Variants in PFKFB3 observed in about 807,000 individuals in gnomAD.
The protein encoded by PFKFB3 is 6-phosphofructo-2-kinase/fructose-2,6-biphosphatase 3.
Under a neutral mutation model 68.0 loss-of-function variants are expected in PFKFB3, and 33 were observed. The ratio of observed to expected loss-of-function variants is 0.49; its 90% confidence interval spans 0.37 to 0.65. The LOEUF (loss-of-function observed/expected upper bound fraction) is 0.65, where lower values mean the gene tolerates loss of function less well. PFKFB3 is among the 30% of genes least tolerant of loss of function. PFKFB3 has a pLI of 0.00. For missense variants in PFKFB3, 586 were observed against 712.2 expected (o/e 0.82, Z 2.02); for synonymous variants, 315 against 288.2 (o/e 1.09, Z -0.94).
intron 1 of PFKFB3, among the ~76,000 whole-genome samples, chr10:6,193,391 G>A (rs1361802144): frequency 1.3e-5 from 2 of 152,202 alleles, no homozygotes; most frequent in Non-Finnish European, 2.9e-5. Context: ...AAAGTATTGT[G>A]TATCCATTAG....
intron 1 of PFKFB3, among the ~76,000 whole-genome samples, chr10:6,183,083 C>T (rs1440658095): frequency 6.6e-6 from 1 of 152,194 alleles, no homozygotes; most frequent in Non-Finnish European, 1.5e-5. Flanking sequence ...TGTCACACCT[C>T]TGTTCTCCCT....
chr10:6,287,622 C>T, the PFKFB3 span, among the ~76,000 whole-genome samples: 1,374 of 152,158 alleles, frequency 9.0e-3, 20 homozygotes, highest in African/African-American at 0.031. Context: ...GACAAAATCA[C>T]CTGATGACAC....
chr10:6,305,640 G>A, the PFKFB3 span, among the ~76,000 whole-genome samples: 1 of 152,226 alleles, frequency 6.6e-6, no homozygotes, highest in Non-Finnish European at 1.5e-5. Flanking sequence ...CTGAGGTTCT[G>A]TTTGCTTGCA....
intron 1 of PFKFB3, among the ~76,000 whole-genome samples, chr10:6,194,164 C>T (rs1218261120): frequency 6.6e-6 from 1 of 152,106 alleles, no homozygotes; most frequent in Admixed American, 6.6e-5. Context: ...GGTTGGGGTT[C>T]CTAACTCCCA....
At chr10:6,199,597 A>G (rs1031731382), upstream of PFKFB3, among the ~76,000 whole-genome samples, 1 of 131,582 alleles carries the variant, frequency 7.6e-6, no homozygotes, top group Non-Finnish European at 1.6e-5. Flanking sequence ...TGATCCTCCC[A>G]CCTCAGTCTC....
the PFKFB3 span, among the ~76,000 whole-genome samples, chr10:6,273,956 A>G: frequency 6.6e-6 from 1 of 152,160 alleles, no homozygotes; most frequent in African/African-American, 2.4e-5. Context: ...CCATAATCTC[A>G]GCACTTTGGG....
At chr10:6,302,950 C>T in the PFKFB3 span, among the ~76,000 whole-genome samples, 3 of 152,032 alleles carry the variant, frequency 2.0e-5, no homozygotes, top group Admixed American at 6.6e-5. Flanking sequence ...ATAGAAAGGG[C>T]GCTCGAGGTA....
At chr10:6,169,222 G>A (rs1033448457) in intron 1 of PFKFB3, among the ~76,000 whole-genome samples, 1 of 152,200 alleles carries the variant, frequency 6.6e-6, no homozygotes, top group Non-Finnish European at 1.5e-5. Context: ...GATTACAGGC[G>A]TGAGCCACCG....
the PFKFB3 span, among the ~76,000 whole-genome samples, chr10:6,285,661 C>T: frequency 6.6e-6 from 1 of 152,212 alleles, no homozygotes; most frequent in Admixed American, 6.5e-5. Flanking sequence ...ATCTCTAGAG[C>T]TTGTTCATCT....
At chr10:6,211,331 G>C (rs1844220852) in intron 1 of PFKFB3, among the ~76,000 whole-genome samples, 4 of 152,200 alleles carry the variant, frequency 2.6e-5, no homozygotes, top group Admixed American at 2.6e-4. Flanking sequence ...CCTTGGCGTG[G>C]TTCCGACAGA....
rs1269996228 is a variant in PFKFB3, at chr10:6,203,093, G to A, written c.-168G>A. ...CACGTCGAGCCCCGCACAGGCGAGG[G>A]TCCGGAACTTAGCCCAAAGCACGTT... On this transcript the variant is annotated 5_prime_UTR_variant, in exon 1 of 15. Coordinates refer to ENST00000379775, the MANE Select transcript of PFKFB3 (RefSeq NM_004566.4). 4 of 1,450,842 alleles carry A rather than the reference G, an allele frequency of 2.8e-6. No individual in the cohort carries two copies. In the Admixed American group the frequency reaches 8.2e-5, roughly 30 times the overall value. 89.9% of individuals were successfully genotyped at this position (1,450,842 alleles called of 1,614,324 possible).
chr10:6,326,566 A>C, the PFKFB3 span: 1 of 456,012 alleles, frequency 2.2e-6, no homozygotes, highest in Non-Finnish European at 4.4e-6. Flanking sequence ...ACCAGTAAGG[A>C]GCTCCACCGT....
chr10:6,244,788 G>C lies in PFKFB3; in HGVS notation c.1516-9390G>C, dbSNP rs112025750. On this transcript the variant is annotated intron_variant, in intron 14 of 14. Transcript: ENST00000640683. ...AGGGTGTTATGTAAAAGTGAGAAAG[G>C]CTGGGTTAAATCAGGTTCATTCGTT... 6.4e-3 allele frequency among the ~76,000 whole-genome samples: 981 copies of C among 152,274 alleles called. 15 individuals carry two copies. The highest frequency in any genetic ancestry group is 0.023 in the African/African-American group (941 of 41,520).
the PFKFB3 span, among the ~76,000 whole-genome samples, chr10:6,271,394 G>A: frequency 1.3e-5 from 2 of 152,374 alleles, no homozygotes; most frequent in Admixed American, 6.5e-5. Context: ...TCCTGGGGGT[G>A]TGGGAGCCAA....
At chr10:6,205,341 C>G (rs916790901) in intron 1 of PFKFB3, among the ~76,000 whole-genome samples, 10 of 149,406 alleles carry the variant, frequency 6.7e-5, no homozygotes, top group African/African-American at 2.5e-4. Flanking sequence ...CACCCTCCCT[C>G]GATTCTCTAA....
At chr10:6,255,633 G>A (rs1266879892), downstream of PFKFB3, among the ~76,000 whole-genome samples, 4 of 152,172 alleles carry the variant, frequency 2.6e-5, no homozygotes, top group Non-Finnish European at 5.9e-5. Flanking sequence ...ACTCTGCCAG[G>A]CCAAACAAAC....
At chr10:6,177,813 G>A (rs539566400) in intron 1 of PFKFB3, among the ~76,000 whole-genome samples, 37 of 152,126 alleles carry the variant, frequency 2.4e-4, no homozygotes, top group Admixed American at 2.0e-4. Flanking sequence ...GTGTGCCACC[G>A]TGCCTGGCCA....
chr10:6,157,288 G>A (rs58000038), intron 1 of PFKFB3, among the ~76,000 whole-genome samples: 7 of 149,462 alleles, frequency 4.7e-5, no homozygotes, highest in South Asian at 2.1e-4. Context: ...GTGCAGTGGC[G>A]CGATCTCGGC....
rs768313534 is a variant in PFKFB3 at position 6,146,536 on chromosome 10, G to A, written c.16+1523G>A. ...CCTTGACTCTGTGGGTTCTCTGGAG[G>A]CTCTCAGAGTGTCCCTCCCCCCCTA... On this transcript the variant is annotated intron_variant, in intron 1 of 14. Transcript: ENST00000379789. 2.6e-6 allele frequency: 4 copies of A among 1,515,182 alleles called. No individual in the cohort carries two copies. In the Admixed American group the frequency reaches 5.9e-5, roughly 23 times the overall value. The allele number at this position is 1,515,182 out of a possible 1,614,324, so 93.9% of individuals were successfully genotyped here. A position where few individuals can be genotyped will look rare whatever the true frequency, so the allele number is the denominator to read the frequency against.
Sources: allele counts gnomAD v4.1 joint callset (sites outside exome capture counted in the v4.1 genomes callset), GRCh38; gene constraint gnomAD v4.1.1; transcripts MANE v1.5; gene names NCBI Gene and HGNC (gene_info 2026-07-23, HGNC 2026-07-21).